The following RFWD3 variants were observed in gnomAD, a reference collection of about 807,000 sequenced individuals.
RFWD3 encodes the protein ring finger and WD repeat domain 3.
Under a neutral mutation model 87.7 loss-of-function variants are expected in RFWD3, and 65 were observed. The observed-to-expected ratio is 0.74, with a 90% CI of 0.61 to 0.91. RFWD3 has a LOEUF of 0.91. RFWD3 is among the 40% of genes least tolerant of loss of function. The pLI is 0.00. For synonymous variants in RFWD3, 433 were observed against 352.8 expected, an observed-to-expected ratio of 1.23 and a Z score of -2.55; for missense variants, 1,078 against 938.5, an observed-to-expected ratio of 1.15 and a Z score of -1.94.
In RFWD3 at chr16:74,666,845, G is replaced by GCCGCAGACTCGGTAGTTACCTCC. The variant is rs56890104; in HGVS notation, c.-63_-62insGGAGGTAACTACCGAGTCTGCGG. 1.3e-5 allele frequency: 2 copies of GCCGCAGACTCGGTAGTTACCTCC among 150,860 alleles called. No homozygotes were observed. The highest frequency in any genetic ancestry group is 3.0e-5 in the Non-Finnish European group (2 of 67,736). The allele number at this position is 150,860 out of a possible 1,614,324, so 9.3% of individuals were successfully genotyped here. A position where few individuals can be genotyped will look rare whatever the true frequency, so the allele number is the denominator to read the frequency against. ...CCGCCGAAGACTCGGTAGTTACCTCGGCCGCACTCCGAATGCACCTACGCC... is the reference window on the plus strand; with the variant it reads ...CCGCCGAAGACTCGGTAGTTACCTCGCCGCAGACTCGGTAGTTACCTCCGCCGCACTCCGAATGCACCTACGCC... On this transcript the variant is annotated 5_prime_UTR_variant, in exon 1 of 13. Transcript: ENST00000361070.
At chr16:74,651,800 T>C (rs1960586433) in intron 3 of RFWD3, 120 bp downstream of exon 3, 1 of 842,150 alleles carries the variant, frequency 1.2e-6, no homozygotes, top group South Asian at 1.6e-5. Context: ...AAAACAGGAA[T>C]CCACAACATT....
chr16:74,664,930 G>A (rs1961758641), intron 1 of RFWD3, among the ~76,000 whole-genome samples: 1 of 152,144 alleles, frequency 6.6e-6, no homozygotes, highest in East Asian at 1.9e-4. Flanking sequence ...CCTAACCACT[G>A]TAGGCCAGTC....
At chr16:74,664,133 GTA>G (rs1291291280) in intron 1 of RFWD3, among the ~76,000 whole-genome samples, 5 of 152,160 alleles carry the variant, frequency 3.3e-5, no homozygotes, top group Non-Finnish European at 7.4e-5. Context: ...AACATTTTTT[GTA>G]TAGATGGGGT....
At chr16:74,650,062 C>G (rs1433392428) in intron 3 of RFWD3, among the ~76,000 whole-genome samples, 1 of 152,190 alleles carries the variant, frequency 6.6e-6, no homozygotes, top group Admixed American at 6.5e-5. Context: ...AATATTATCT[C>G]TGTAGACTTG....
intron 2 of RFWD3, among the ~76,000 whole-genome samples, chr16:74,659,460 T>C (rs1961257341): frequency 6.6e-6 from 1 of 152,190 alleles, no homozygotes; most frequent in South Asian, 2.1e-4. Flanking sequence ...CCAAGCCTGC[T>C]GGTGCACGCC....
chr16:74,666,107 G>C (rs921667045), intron 1 of RFWD3, among the ~76,000 whole-genome samples: 1 of 152,018 alleles, frequency 6.6e-6, no homozygotes, highest in African/African-American at 2.4e-5. Flanking sequence ...AAGGGAGAGA[G>C]GGAAAGAAGG....
intron 2 of RFWD3, among the ~76,000 whole-genome samples, chr16:74,653,932 A>G (rs917084540): frequency 3.3e-5 from 5 of 152,266 alleles, no homozygotes; most frequent in African/African-American, 1.2e-4. Context: ...TCAGTAAACC[A>G]AAAGGAGAAA....
chr16:74,651,830 T>G (rs1960589248), intron 3 of RFWD3, 90 bp downstream of exon 3: 1 of 1,129,330 alleles, frequency 8.9e-7, no homozygotes, highest in East Asian at 2.3e-5. Flanking sequence ...AAAGGGAAAG[T>G]GTCAAAGCAC....
At chr16:74,632,876 T>C (rs576679522) in intron 8 of RFWD3, 8 of 529,498 alleles carry the variant, frequency 1.5e-5, no homozygotes, top group African/African-American at 7.7e-5. Flanking sequence ...TGGCGTAACC[T>C]CAGCTCACTA....
chr16:74,649,258 C>G, intron 3 of RFWD3, 56 bp from the exon 4 acceptor site: 1 of 1,296,268 alleles, frequency 7.7e-7, no homozygotes. Flanking sequence ...TAAGATATGT[C>G]AGGTATGAGA....
chr16:74,628,014 G>C (rs373243733), intron 11 of RFWD3, among the ~76,000 whole-genome samples: 44 of 152,320 alleles, frequency 2.9e-4, no homozygotes, highest in African/African-American at 1.1e-3. Flanking sequence ...TGTTCAGCTG[G>C]CTGGGCACAC....
chr16:74,632,703 T>A, intron 8 of RFWD3, 30 bp from the exon 9 acceptor site: 1 of 1,609,610 alleles, frequency 6.2e-7, no homozygotes, highest in Non-Finnish European at 8.5e-7. Flanking sequence ...ATGAAATAGA[T>A]CACTGAAAGT....
At chr16:74,653,423 G>A (rs2144281135) in intron 2 of RFWD3, among the ~76,000 whole-genome samples, 1 of 152,006 alleles carries the variant, frequency 6.6e-6, no homozygotes, top group East Asian at 1.9e-4. Flanking sequence ...TGAGGCCACA[G>A]AGAGTGAGCG....
Position 74,624,024 on chromosome 16 carries a change from A to C in RFWD3, c.2229T>G (p.Asp743Glu). Residue 743 changes from aspartate to glutamate, a missense_variant, in exon 13 of 13, where the codon GAT becomes GAG. By Grantham distance (45) the Asp-to-Glu change is conservative. Coordinates refer to ENST00000361070, the MANE Select transcript of RFWD3 (RefSeq NM_018124.4). Reference sequence around the variant, plus strand: ...ATGGGCAGATGTCCAACACAGGCTGATCGGTCTGTAGGTCCTGGAGCAACG... The same window carrying C: ...ATGGGCAGATGTCCAACACAGGCTGCTCGGTCTGTAGGTCCTGGAGCAACG... ...SGSLLQDLQTDQPVLDICPFE... is the reference protein window; with the variant it reads ...SGSLLQDLQTEQPVLDICPFE... 1.9e-6 allele frequency: 3 copies of C among 1,614,120 alleles called. No individual in the cohort carries two copies. Among genetic ancestry groups the C allele is most frequent in the Non-Finnish European group, 2.5e-6 (3 of 1,180,016 alleles).
At chr16:74,625,693 C>G (rs901716704) in intron 12 of RFWD3, among the ~76,000 whole-genome samples, 1 of 152,202 alleles carries the variant, frequency 6.6e-6, no homozygotes, top group African/African-American at 2.4e-5. Flanking sequence ...TTCCCTGCAA[C>G]TCCAGTCAAT....
chr16:74,627,546 C>T (rs887729111), intron 11 of RFWD3, among the ~76,000 whole-genome samples: 1 of 152,172 alleles, frequency 6.6e-6, no homozygotes, highest in African/African-American at 2.4e-5. Context: ...TTGTGCACTG[C>T]CTCCTTTGTG....
At chr16:74,630,731 A>G (rs1436593291) in intron 10 of RFWD3, 50 bp downstream of exon 10, 5 of 1,491,790 alleles carry the variant, frequency 3.4e-6, no homozygotes, top group Non-Finnish European at 4.5e-6. Context: ...ACACAATAAT[A>G]AGCCAAGAGA....
intron 1 of RFWD3, chr16:74,666,213 GA>G (rs1175830989): frequency 3.5e-5 from 5 of 142,452 alleles, no homozygotes; most frequent in African/African-American, 1.1e-4. Context: ...TAGATAGATA[GA>G]TAGATAGATT....
intron 11 of RFWD3, among the ~76,000 whole-genome samples, chr16:74,628,149 A>G (rs4558441): frequency 0.01 from 1,586 of 152,284 alleles, 26 homozygotes; most frequent in African/African-American, 0.036. Flanking sequence ...AGGTGGCTCA[A>G]TGACCTAGAG....
Sources: gnomAD v4.1 joint callset for allele counts (sites outside exome capture counted in the v4.1 genomes callset) on GRCh38, gnomAD v4.1.1 for gene constraint, MANE v1.5 for transcripts, NCBI Gene and HGNC (gene_info 2026-07-23, HGNC 2026-07-21) for gene names.